Variants in QTMAN observed in about 807,000 individuals in gnomAD.
QTMAN encodes the protein queuosine-tRNA mannosyltransferase.
the QTMAN span, among the ~76,000 whole-genome samples, chr2:144,133,741 CAA>C: frequency 1.3e-5 from 2 of 149,588 alleles, no homozygotes; most frequent in Non-Finnish European, 3.0e-5. Context: ...AATAATCTAT[CAA>C]AAGTTTTTTT....
the QTMAN span, among the ~76,000 whole-genome samples, chr2:144,302,878 G>A: frequency 3.9e-5 from 6 of 152,248 alleles, no homozygotes; most frequent in African/African-American, 1.4e-4. Context: ...AGGCGGGGGG[G>A]ATCACTTGAG....
chr2:143,986,182 C>T, the QTMAN span, among the ~76,000 whole-genome samples: 662 of 152,232 alleles, frequency 4.3e-3, 2 homozygotes, highest in Non-Finnish European at 7.7e-3. Flanking sequence ...TATGGTATAG[C>T]TCAAGGGTCC....
chr2:144,121,859 T>C, the QTMAN span, among the ~76,000 whole-genome samples: 3 of 152,122 alleles, frequency 2.0e-5, no homozygotes, highest in East Asian at 3.9e-4. Flanking sequence ...TTGATACTCA[T>C]TCCCCCTTCA....
the QTMAN span, among the ~76,000 whole-genome samples, chr2:144,132,735 G>A: frequency 9.2e-5 from 14 of 151,776 alleles, no homozygotes; most frequent in African/African-American, 3.4e-4. Context: ...GTTCCCCTTT[G>A]CTTTTCAGGT....
the QTMAN span, chr2:144,237,138 C>A: frequency 6.6e-6 from 1 of 152,070 alleles, no homozygotes; most frequent in East Asian, 1.9e-4. Context: ...GAGAAGGATG[C>A]AGGGTGACAA....
At chr2:144,000,870 A>G in the QTMAN span, among the ~76,000 whole-genome samples, 1 of 152,028 alleles carries the variant, frequency 6.6e-6, no homozygotes, top group Non-Finnish European at 1.5e-5. Flanking sequence ...AACAAAGAAC[A>G]TTAGTGTCCA....
chr2:144,132,017 T>G, the QTMAN span, among the ~76,000 whole-genome samples: 9 of 151,888 alleles, frequency 5.9e-5, no homozygotes, highest in Non-Finnish European at 8.8e-5. Context: ...ACATCGTTTT[T>G]ACTATCTGAA....
At chr2:144,074,493 T>C in the QTMAN span, among the ~76,000 whole-genome samples, 1 of 152,322 alleles carries the variant, frequency 6.6e-6, no homozygotes, top group South Asian at 2.1e-4. Flanking sequence ...GCTTTACTAC[T>C]TGGGATGATT....
the QTMAN span, among the ~76,000 whole-genome samples, chr2:144,239,263 ATGTT>A: frequency 3.3e-5 from 5 of 152,334 alleles, no homozygotes; most frequent in African/African-American, 1.2e-4. Flanking sequence ...GGAAAAATAA[ATGTT>A]TGGAAGTCAG....
chr2:144,127,616 G>A, the QTMAN span, among the ~76,000 whole-genome samples: 14 of 152,076 alleles, frequency 9.2e-5, no homozygotes, highest in East Asian at 1.5e-3. Context: ...TGTGAGTGGC[G>A]ATTAAAGTTG....
At chr2:144,017,438 C>T in the QTMAN span, among the ~76,000 whole-genome samples, 3 of 152,060 alleles carry the variant, frequency 2.0e-5, no homozygotes, top group African/African-American at 4.8e-5. Context: ...CTCATCTGTA[C>T]AGTAAGAATG....
At chr2:143,949,262 GA>G in the QTMAN span, among the ~76,000 whole-genome samples, 81 of 151,948 alleles carry the variant, frequency 5.3e-4, no homozygotes, top group African/African-American at 1.9e-3. Flanking sequence ...GTCACTTTAA[GA>G]AAAAAAGTAA....
the QTMAN span, among the ~76,000 whole-genome samples, chr2:144,247,096 G>A: frequency 6.6e-6 from 1 of 152,140 alleles, no homozygotes; most frequent in Non-Finnish European, 1.5e-5. Context: ...AGACAAGAAG[G>A]AAAACACTAT....
At chr2:144,139,615 T>G in the QTMAN span, among the ~76,000 whole-genome samples, 1 of 152,106 alleles carries the variant, frequency 6.6e-6, no homozygotes, top group African/African-American at 2.4e-5. Flanking sequence ...TAATGAAATG[T>G]TTTCAAGAGA....
At chr2:144,060,850 C>T in the QTMAN span, among the ~76,000 whole-genome samples, 1 of 152,168 alleles carries the variant, frequency 6.6e-6, no homozygotes, top group Non-Finnish European at 1.5e-5. Context: ...TTTCACAGCC[C>T]TCCAAATGTT....
chr2:144,029,586 T>G, the QTMAN span, among the ~76,000 whole-genome samples: 4 of 152,120 alleles, frequency 2.6e-5, no homozygotes, highest in Admixed American at 2.6e-4. Flanking sequence ...GAAAGACTTG[T>G]TTGAGGAATA....
the QTMAN span, among the ~76,000 whole-genome samples, chr2:143,978,561 A>G: frequency 7.3e-4 from 111 of 152,302 alleles, 1 homozygote; most frequent in East Asian, 0.021. Flanking sequence ...TCTGGCCAGT[A>G]AGCCTGTAGA....
At chr2:144,011,753 G>T in the QTMAN span, 1 of 984,472 alleles carries the variant, frequency 1.0e-6, no homozygotes, top group African/African-American at 1.7e-5. Context: ...ACGTGACTAT[G>T]CAAATAGGCA....
At chr2:144,321,703 A>G in the QTMAN span, among the ~76,000 whole-genome samples, 2 of 152,166 alleles carry the variant, frequency 1.3e-5, no homozygotes, top group African/African-American at 2.4e-5. Context: ...CCTGGGCTCA[A>G]GAAATCCTCC....
Sources: gnomAD v4.1 joint callset for allele counts (sites outside exome capture counted in the v4.1 genomes callset) on GRCh38, gnomAD v4.1.1 for gene constraint, MANE v1.5 for transcripts, NCBI Gene and HGNC (gene_info 2026-07-23, HGNC 2026-07-21) for gene names.